The following LRP1B variants were observed in gnomAD, a reference collection of about 807,000 sequenced individuals.
The protein encoded by LRP1B is LDL receptor related protein 1B, also known as low-density lipoprotein receptor-related protein 1B.
A neutral mutation model predicts 556.6 loss-of-function variants in LRP1B; 217 were observed. The observed-to-expected ratio is 0.39, with a 90% CI of 0.35 to 0.44. The LOEUF (loss-of-function observed/expected upper bound fraction) is 0.44. Among genes scored for constraint, LRP1B ranks in the 20% least tolerant of loss-of-function variants. The pLI, the probability that LRP1B is intolerant of heterozygous loss-of-function variation, is 1.00. For missense variants in LRP1B, 5,053 were observed against 5,620.8 expected (o/e 0.90, Z 3.23); for synonymous variants, 2,047 against 1,865.8 (o/e 1.10, Z -2.50).
intron 2 of LRP1B, among the ~76,000 whole-genome samples, chr2:141,660,636 A>G (rs1033207868): frequency 6.6e-6 from 1 of 152,126 alleles, no homozygotes; most frequent in Non-Finnish European, 1.5e-5. Context: ...CAAGAATTTC[A>G]GCAACTCCAG....
At chr2:141,017,696 C>T (rs1341295361) in intron 12 of LRP1B, among the ~76,000 whole-genome samples, 2 of 151,070 alleles carry the variant, frequency 1.3e-5, no homozygotes, top group African/African-American at 4.9e-5. Flanking sequence ...TATATATATG[C>T]TTAAATATAT....
chr2:141,595,930 G>A (rs1307671499), intron 2 of LRP1B, among the ~76,000 whole-genome samples: 9 of 151,996 alleles, frequency 5.9e-5, no homozygotes, highest in African/African-American at 1.7e-4. Flanking sequence ...TTAGAGTGAT[G>A]AATGATAAAT....
intron 7 of LRP1B, among the ~76,000 whole-genome samples, chr2:141,128,646 C>T (rs985326274): frequency 3.4e-4 from 51 of 152,162 alleles, no homozygotes; most frequent in South Asian, 2.3e-3. Flanking sequence ...TGTAAGACAG[C>T]GTTTTGCCTT....
chr2:141,627,917 T>C (rs765404005), intron 2 of LRP1B, among the ~76,000 whole-genome samples: 1 of 152,200 alleles, frequency 6.6e-6, no homozygotes, highest in African/African-American at 2.4e-5. Context: ...CTCATTGATT[T>C]GATGGATCAA....
intron 90 of LRP1B, among the ~76,000 whole-genome samples, chr2:140,233,770 C>T (rs1680574363): frequency 6.6e-6 from 1 of 151,268 alleles, no homozygotes; most frequent in Non-Finnish European, 1.5e-5. Context: ...AATTTTTCAA[C>T]ATGAACTTAA....
chr2:140,977,806 A>G (rs946410642), intron 18 of LRP1B, among the ~76,000 whole-genome samples: 3 of 152,166 alleles, frequency 2.0e-5, no homozygotes, highest in African/African-American at 7.2e-5. Flanking sequence ...TTTCATCATT[A>G]GGGAAGCATT....
intron 6 of LRP1B, among the ~76,000 whole-genome samples, chr2:141,204,511 T>TA (rs1180975191): frequency 1.3e-5 from 2 of 152,168 alleles, no homozygotes; most frequent in African/African-American, 2.4e-5. Flanking sequence ...TGGGGTGTTA[T>TA]TTTCCTGAGA....
At chr2:140,806,945 T>C (rs1449913133) in intron 32 of LRP1B, among the ~76,000 whole-genome samples, 8 of 152,224 alleles carry the variant, frequency 5.3e-5, no homozygotes, top group African/African-American at 1.9e-4. Flanking sequence ...TCAGTGTAAA[T>C]ACAATATATG....
intron 3 of LRP1B, among the ~76,000 whole-genome samples, chr2:141,261,265 A>G (rs1249497962): frequency 6.6e-6 from 1 of 152,144 alleles, no homozygotes; most frequent in African/African-American, 2.4e-5. Context: ...TAGACTACTT[A>G]CTGGCCTCAA....
At position 140,492,697 on chromosome 2, in the gene LRP1B, A is replaced by G. The variant is rs1558920109; in HGVS notation, c.9035-4T>C. 1 of 1,588,680 alleles carries G rather than the reference A, an allele frequency of 6.3e-7. No individual in the cohort carries two copies. The highest frequency in any genetic ancestry group is 1.3e-5 in the African/African-American group (1 of 74,406). Reference sequence around the variant, plus strand: ...AGAATTAAAAAAGGTTCTTCATCTAAACACCAACACAAATAACATATTAGA... The same window carrying G: ...AGAATTAAAAAAGGTTCTTCATCTAGACACCAACACAAATAACATATTAGA... On this transcript the variant is annotated splice_polypyrimidine_tract_variant and splice_region_variant and intron_variant, in intron 56 of 90. Transcript: ENST00000389484.
At chr2:141,180,231 G>A (rs1680931220) in intron 7 of LRP1B, among the ~76,000 whole-genome samples, 1 of 151,364 alleles carries the variant, frequency 6.6e-6, no homozygotes, top group Non-Finnish European at 1.5e-5. Context: ...AAGAGTTCAT[G>A]TTATTTACCC....
intron 60 of LRP1B, among the ~76,000 whole-genome samples, chr2:140,472,997 C>T (rs1036884845): frequency 6.6e-6 from 1 of 151,938 alleles, no homozygotes; most frequent in Non-Finnish European, 1.5e-5. Flanking sequence ...CAAAAGTTAT[C>T]GATATAAATG....
chr2:140,289,604 C>CTT (rs199993173), intron 84 of LRP1B, among the ~76,000 whole-genome samples: 1 of 143,968 alleles, frequency 6.9e-6, no homozygotes, highest in African/African-American at 2.5e-5. Context: ...ATTATTTTTA[C>CTT]TTTTTTTTTT....
chr2:141,715,530 G>A (rs1240337609), intron 2 of LRP1B, among the ~76,000 whole-genome samples: 2 of 151,982 alleles, frequency 1.3e-5, no homozygotes, highest in African/African-American at 2.4e-5. Context: ...TAAGAAAACA[G>A]CCGGCCAGTT....
At chr2:140,364,562 T>C (rs1232215466) in intron 72 of LRP1B, 99 bp downstream of exon 72, 9 of 1,376,856 alleles carry the variant, frequency 6.5e-6, no homozygotes, top group Non-Finnish European at 7.0e-6. Flanking sequence ...AACCCCAGGA[T>C]GGTATAATTG....
intron 15 of LRP1B, among the ~76,000 whole-genome samples, chr2:141,000,524 G>A (rs1453333803): frequency 1.3e-5 from 2 of 152,016 alleles, no homozygotes; most frequent in African/African-American, 2.4e-5. Context: ...AGGTGGAGAT[G>A]CCACAGGCTT....
At chr2:141,003,050 A>G (rs1016010167) in intron 15 of LRP1B, among the ~76,000 whole-genome samples, 2 of 151,996 alleles carry the variant, frequency 1.3e-5, no homozygotes, top group Non-Finnish European at 2.9e-5. Context: ...GTATTATTCC[A>G]AATACCTAAA....
chr2:140,363,814 C>G (rs1214268003), intron 72 of LRP1B, among the ~76,000 whole-genome samples: 1 of 151,498 alleles, frequency 6.6e-6, no homozygotes, highest in African/African-American at 2.4e-5. Flanking sequence ...CTTGATGCAA[C>G]AAACAGAACA....
intron 1 of LRP1B, among the ~76,000 whole-genome samples, chr2:142,054,406 A>G (rs536002228): frequency 5.9e-5 from 9 of 152,096 alleles, no homozygotes; most frequent in Non-Finnish European, 1.3e-4. Context: ...ATAGCTCCCT[A>G]AAATGCCATA....
Sources: gnomAD v4.1 joint callset for allele counts (sites outside exome capture counted in the v4.1 genomes callset) on GRCh38, gnomAD v4.1.1 for gene constraint, MANE v1.5 for transcripts, NCBI Gene and HGNC (gene_info 2026-07-23, HGNC 2026-07-21) for gene names.